TMEM130: variants seen among roughly 807,000 people sequenced by gnomAD.
TMEM130 encodes transmembrane protein 130.
A neutral mutation model predicts 42.9 loss-of-function variants in TMEM130; 37 were observed. The observed-to-expected ratio is 0.86, with a 90% confidence interval of 0.66 to 1.13. TMEM130 has a LOEUF of 1.13. Ranked by LOEUF, TMEM130 falls within the 50% of genes most tolerant of loss-of-function variation. The probability of loss-of-function intolerance (pLI) is 0.00; values close to 1 mark genes in which losing one functional copy is unlikely to be tolerated. For synonymous variants in TMEM130, 259 were observed against 237.7 expected (o/e 1.09, Z -0.82); for missense variants, 545 against 562.6 (o/e 0.97, Z 0.32).
At chr7:98,858,999 G>GGGAGA in intron 3 of TMEM130, among the ~76,000 whole-genome samples, 1 of 148,064 alleles carries the variant, frequency 6.8e-6, no homozygotes, top group African/African-American at 2.5e-5. Context: ...AGGGAGGGAG[G>GGGAGA]GGAGAGGAGA....
At chr7:98,865,738 G>C (rs1323726534) in intron 1 of TMEM130, 2 of 152,218 alleles carry the variant, frequency 1.3e-5, no homozygotes, top group African/African-American at 2.4e-5. Context: ...CTATTATGAG[G>C]GGGGAGGGGG....
intron 3 of TMEM130, among the ~76,000 whole-genome samples, 188 bp downstream of exon 3, chr7:98,859,991 C>T (rs1584241512): frequency 6.6e-6 from 1 of 151,852 alleles, no homozygotes; most frequent in Non-Finnish European, 1.5e-5. Context: ...ATCACTTGAA[C>T]CCAGGAGGAA....
chr7:98,848,420 T>C (rs1425796238), intron 7 of TMEM130, among the ~76,000 whole-genome samples, 163 bp downstream of exon 7: 1 of 152,132 alleles, frequency 6.6e-6, no homozygotes, highest in Non-Finnish European at 1.5e-5. Flanking sequence ...TAGCAATTTT[T>C]CCTGGTCTAC....
Position 98,847,718 on chromosome 7 carries a change from TG to T in TMEM130, c.*337del, listed in dbSNP as rs1554397546. 1 of 205,402 alleles carries T rather than the reference TG, an allele frequency of 4.9e-6. No homozygotes were observed. Among genetic ancestry groups the T allele is most frequent in the East Asian group, 1.1e-4 (1 of 9,072 alleles). The allele number at this position is 205,402 out of a possible 1,614,324, so 12.7% of individuals were successfully genotyped here. ...AGCAGATGTGCCAATATGAGAGGAA[TG>T]GGCAGTGGGCAGCCAGGCCCACCTG... On this transcript the variant is annotated 3_prime_UTR_variant, in exon 8 of 8. Coordinates refer to ENST00000339375, the MANE Select transcript of TMEM130 (RefSeq NM_152913.3).
chr7:98,862,487 C>CTTTTTTTTTTT (rs57165730), intron 2 of TMEM130, among the ~76,000 whole-genome samples: 1 of 65,786 alleles, frequency 1.5e-5, no homozygotes, highest in African/African-American at 5.5e-5. Flanking sequence ...ACAATAATTT[C>CTTTTTTTTTTT]TTTTTTTTTT....
rs116488815 is a variant in TMEM130 at position 98,847,177 on chromosome 7, G to A, written c.*879C>T. On this transcript the variant is annotated 3_prime_UTR_variant, in exon 8 of 8. Transcript: ENST00000339375. The stretch of plus-strand genomic sequence containing the variant: ...CGGCCTTGACTCAACCTCTTCTACC[G>A]CTGCAAGGCCTTTTCCTCAGTGAAA... 2,882 of 152,226 alleles carry A rather than the reference G, an allele frequency of 0.019. 83 individuals are homozygous for A. Among genetic ancestry groups the A allele is most frequent in the African/African-American group, 0.064 (2,666 of 41,522 alleles). The allele number at this position is 152,226 out of a possible 1,614,324, so 9.4% of individuals were successfully genotyped here. A position where few individuals can be genotyped will look rare whatever the true frequency, so the allele number is the denominator to read the frequency against.
Position 98,848,581 on chromosome 7 carries a change from A to G in TMEM130, c.1119+2T>C. The G allele has an allele frequency of 6.2e-7, 1 of 1,601,074 alleles. No individual in the cohort carries two copies. ...CCAGCCCCCACCCCACTGAGTACCCACCTCCACCATGTCCTTTTGCTGAGT... is the reference window on the plus strand; with the variant it reads ...CCAGCCCCCACCCCACTGAGTACCCGCCTCCACCATGTCCTTTTGCTGAGT... On this transcript the variant is annotated splice_donor_variant, in intron 7 of 7. Coordinates refer to ENST00000339375, the MANE Select transcript of TMEM130 (RefSeq NM_152913.3). LOFTEE classifies it high-confidence loss of function.
Position 98,848,212 on chromosome 7 carries a change from G to A in TMEM130, c.1120-4C>T. Reference sequence around the variant, plus strand: ...CCCCAGAGGGTGGCTCCGGGTTCTTGTCAGACATGGGGGAAAAGTCAAAAT... The same window carrying A: ...CCCCAGAGGGTGGCTCCGGGTTCTTATCAGACATGGGGGAAAAGTCAAAAT... On this transcript the variant is annotated splice_polypyrimidine_tract_variant and splice_region_variant and intron_variant, in intron 7 of 7. Coordinates refer to ENST00000339375, the MANE Select transcript of TMEM130 (RefSeq NM_152913.3). 6.2e-7 allele frequency: 1 copy of A among 1,613,988 alleles called. No homozygotes were observed. Among genetic ancestry groups the A allele is most frequent in the Non-Finnish European group, 8.5e-7 (1 of 1,179,966 alleles).
intron 2 of TMEM130, among the ~76,000 whole-genome samples, chr7:98,861,694 A>G (rs908955629): frequency 6.6e-6 from 1 of 152,234 alleles, no homozygotes; most frequent in Admixed American, 6.5e-5. Flanking sequence ...CCTGGGCAAC[A>G]GAAGGAGACT....
In TMEM130 at chr7:98,848,054, G is replaced by A; in HGVS notation, c.*2C>T. 2 of 1,612,580 alleles carry A rather than the reference G, an allele frequency of 1.2e-6. No individual in the cohort carries two copies. The highest frequency in any genetic ancestry group is 1.7e-6 in the Non-Finnish European group (2 of 1,179,134). On this transcript the variant is annotated 3_prime_UTR_variant, in exon 8 of 8. Transcript: ENST00000339375. ...CTGAGATGGGGTGGGGAGGGGGAGT[G>A]CTCACACGGTGTAAGTTTTGACAGA... is the stretch of plus-strand genomic sequence containing the variant.
Position 98,860,385 on chromosome 7 carries a change from A to G in TMEM130, c.392-47T>C, listed in dbSNP as rs782615048. The G allele has an allele frequency of 7.2e-6, 11 of 1,533,198 alleles. No individual in the cohort carries two copies. In the Admixed American group the frequency reaches 1.2e-4, roughly 16 times the overall value. The allele number at this position is 1,533,198 out of a possible 1,614,324, so 95.0% of individuals were successfully genotyped here. ...GAGGGTGAGTCTTGGAGATTCAGGG[A>G]TCAGGAAACCAGGTAGAGACTTCAT... is the stretch of plus-strand genomic sequence containing the variant. On this transcript the variant is annotated intron_variant, in intron 2 of 7. Transcript: ENST00000339375.
chr7:98,858,162 T>C (rs1794676805), intron 3 of TMEM130, among the ~76,000 whole-genome samples: 2 of 152,204 alleles, frequency 1.3e-5, no homozygotes, highest in African/African-American at 4.8e-5. Context: ...ATGTTAGTTG[T>C]TAGTTCCAGC....
At position 98,869,037 on chromosome 7, in the gene TMEM130, C is replaced by T. The variant is rs782687780; in HGVS notation, c.85+740G>A. Among the ~76,000 whole-genome samples the T allele has an allele frequency of 3.9e-5, 6 of 152,138 alleles. No individual in the cohort carries two copies. Among genetic ancestry groups the T allele is most frequent in the Admixed American group, 6.5e-5 (1 of 15,278 alleles). On this transcript the variant is annotated intron_variant, in intron 1 of 7. Transcript: ENST00000339375. This position sits in a 1 kb window ranked among gnomAD's most constrained non-coding sequence, Gnocchi z 4.7. ...TGAAAAGTGGTGGATAGTATTCAAC[C>T]TTCTTAGCTGCCCACGTCCCATCTG...
At chr7:98,848,784 G>A (rs1794425449) in intron 6 of TMEM130, 89 bp from the exon 7 acceptor site, 1 of 915,104 alleles carries the variant, frequency 1.1e-6, no homozygotes, top group South Asian at 1.3e-5. Context: ...AGGAGGGAAT[G>A]GTCAAGCCCC....
intron 2 of TMEM130, among the ~76,000 whole-genome samples, chr7:98,861,597 C>T (rs1794772497): frequency 3.3e-5 from 5 of 152,160 alleles, no homozygotes; most frequent in Admixed American, 1.3e-4. Context: ...CACCTGTAGT[C>T]CCAGCTACTT....
intron 6 of TMEM130, among the ~76,000 whole-genome samples, chr7:98,849,833 G>T (rs1008325093): frequency 6.6e-6 from 1 of 151,992 alleles, no homozygotes; most frequent in Non-Finnish European, 1.5e-5. Flanking sequence ...GGTAGAAGTA[G>T]GTTGGGCATC....
chr7:98,855,921 A>G (rs949196312), intron 4 of TMEM130, 96 bp downstream of exon 4: 3 of 1,389,432 alleles, frequency 2.2e-6, no homozygotes, highest in Non-Finnish European at 1.9e-6. Context: ...GCTCCAGAAG[A>G]CAGGGCGTGA....
intron 3 of TMEM130, among the ~76,000 whole-genome samples, chr7:98,858,356 C>T: frequency 1.9e-5 from 1 of 53,784 alleles, no homozygotes; most frequent in East Asian, 6.3e-4. Context: ...GCCTGGCCAA[C>T]ATAGTGAGAC....
intron 6 of TMEM130, among the ~76,000 whole-genome samples, chr7:98,850,051 TTTTA>T (rs1324267996): frequency 2.0e-5 from 3 of 151,492 alleles, no homozygotes; most frequent in African/African-American, 7.3e-5. Flanking sequence ...CTTTTTTATT[TTTTA>T]TTTATTTTTC....
Sources: gnomAD v4.1 joint callset for allele counts (sites outside exome capture counted in the v4.1 genomes callset) on GRCh38, gnomAD v4.1.1 for gene constraint, Gnocchi (gnomAD v3.1) non-coding constraint, MANE v1.5 for transcripts, NCBI Gene and HGNC (gene_info 2026-07-23, HGNC 2026-07-21) for gene names.